The following CSMD3 variants were observed in gnomAD, a reference collection of about 807,000 sequenced individuals.
CSMD3 encodes CUB and sushi domain-containing protein 3.
A neutral mutation model predicts 435.2 loss-of-function variants in CSMD3; 177 were observed. That is an observed-to-expected ratio of 0.41 (90% CI 0.36 to 0.46). The LOEUF (loss-of-function observed/expected upper bound fraction) is 0.46, where lower values mean the gene tolerates loss of function less well. Ranked by LOEUF, CSMD3 falls within the 20% of genes least tolerant of loss-of-function variation. The pLI is 0.34. For synonymous variants in CSMD3, 1,656 were observed against 1,520.5 expected, an observed-to-expected ratio of 1.09 and a Z score of -2.07; for missense variants, 4,265 against 4,504.6, an observed-to-expected ratio of 0.95 and a Z score of 1.52.
chr8:113,408,857 A>T (rs1588677170), intron 1 of CSMD3, among the ~76,000 whole-genome samples: 1 of 151,844 alleles, frequency 6.6e-6, no homozygotes, highest in Non-Finnish European at 1.5e-5. Context: ...TAGAGATGGC[A>T]TCTCGCCATG....
intron 32 of CSMD3, among the ~76,000 whole-genome samples, chr8:112,438,695 T>C (rs1814648509): frequency 6.6e-6 from 1 of 152,150 alleles, no homozygotes; most frequent in African/African-American, 2.4e-5. Context: ...CAATGTTAAA[T>C]TGGCCAACAG....
intron 1 of CSMD3, among the ~76,000 whole-genome samples, chr8:113,368,356 A>T (rs1263060613): frequency 6.6e-6 from 1 of 152,080 alleles, no homozygotes; most frequent in African/African-American, 2.4e-5. Flanking sequence ...CTTGTCATGG[A>T]TAAGTTTGAA....
At chr8:113,057,667 T>C (rs2088406745) in intron 5 of CSMD3, among the ~76,000 whole-genome samples, 1 of 152,030 alleles carries the variant, frequency 6.6e-6, no homozygotes, top group Admixed American at 6.6e-5. Flanking sequence ...GTAATATTGA[T>C]AGATATAAAA....
In CSMD3 at chr8:112,677,336, G is replaced by A. The variant is rs187396202; in HGVS notation, c.2677+5106C>T. On this transcript the variant is annotated intron_variant, in intron 16 of 70. Coordinates refer to ENST00000297405, the MANE Select transcript of CSMD3 (RefSeq NM_198123.2). ...TTTTACAAGCTATCTTGAATGGTGG[G>A]TGAGAAGGGGGAAAAGATGGCCTAG... Among the ~76,000 whole-genome samples the A allele has an allele frequency of 8.8e-4, 134 of 151,462 alleles. 1 individual carries two copies. The highest frequency in any genetic ancestry group is 3.1e-3 in the African/African-American group (128 of 41,290).
rs144579709 is a variant in CSMD3 at position 112,379,967 on chromosome 8, A to G, written c.6136+385T>C. Among the ~76,000 whole-genome samples the G allele has an allele frequency of 4.1e-3, 625 of 152,270 alleles. 5 individuals are homozygous for G. Among genetic ancestry groups the G allele is most frequent in the African/African-American group, 0.014 (589 of 41,554 alleles). On this transcript the variant is annotated intron_variant, in intron 38 of 70. Transcript: ENST00000297405. ...GGAGTAGAACAGTGGTTGTCAGGGG[A>G]TAGGGAGAGGGGGAAATGAAGAGCT...
At chr8:112,677,446 T>A (rs13274196) in intron 16 of CSMD3, among the ~76,000 whole-genome samples, 10,228 of 150,368 alleles carry the variant, frequency 0.068, 495 homozygotes, top group Non-Finnish European at 0.11. Flanking sequence ...AGTAAAAATC[T>A]CTGTTATTTA....
chr8:112,743,027 A>C (rs901909228), intron 13 of CSMD3, among the ~76,000 whole-genome samples: 1 of 152,010 alleles, frequency 6.6e-6, no homozygotes, highest in African/African-American at 2.4e-5. Context: ...TGGGCTCTAC[A>C]AATCATGCAG....
chr8:112,941,600 CAAAG>C (rs1346807505), intron 9 of CSMD3, among the ~76,000 whole-genome samples: 1 of 151,544 alleles, frequency 6.6e-6, no homozygotes, highest in Non-Finnish European at 1.5e-5. Context: ...AGTTTTCATT[CAAAG>C]AGATTACTGC....
intron 7 of CSMD3, among the ~76,000 whole-genome samples, chr8:112,962,044 CTTAAT>C (rs1397567123): frequency 6.6e-6 from 1 of 151,866 alleles, no homozygotes; most frequent in African/African-American, 2.4e-5. Context: ...ACTGTCTGCC[CTTAAT>C]TTAATTGTTT....
intron 1 of CSMD3, among the ~76,000 whole-genome samples, chr8:113,406,071 G>C (rs138062889): frequency 0.014 from 2,181 of 151,850 alleles, 25 homozygotes; most frequent in Non-Finnish European, 0.023. Context: ...TGACAAAATT[G>C]TCAAATTTCA....
At chr8:112,859,998 T>A (rs150680183) in intron 10 of CSMD3, among the ~76,000 whole-genome samples, 1 of 151,840 alleles carries the variant, frequency 6.6e-6, no homozygotes, top group South Asian at 2.1e-4. Context: ...TCAAAAATAA[T>A]CTATTGTATA....
chr8:112,282,258 G>A (rs999613370), intron 58 of CSMD3, among the ~76,000 whole-genome samples: 4 of 151,766 alleles, frequency 2.6e-5, no homozygotes, highest in Non-Finnish European at 5.9e-5. Flanking sequence ...GTGCATGCGC[G>A]TATGTGTGTG....
chr8:113,249,354 G>A (rs916469906), intron 3 of CSMD3, among the ~76,000 whole-genome samples: 4 of 151,966 alleles, frequency 2.6e-5, no homozygotes, highest in African/African-American at 7.3e-5. Flanking sequence ...TAAGAACAGT[G>A]GATATTCGGC....
At chr8:113,314,272 A>T in intron 2 of CSMD3, 1 of 325,490 alleles carries the variant, frequency 3.1e-6, no homozygotes, top group Non-Finnish European at 5.7e-6. Context: ...TATATCCATA[A>T]TGAATGAAAC....
At position 112,954,649 on chromosome 8, in the gene CSMD3, C is replaced by T. The variant is rs757053219; in HGVS notation, c.1420+35G>A. On this transcript the variant is annotated intron_variant, in intron 8 of 70. Coordinates refer to ENST00000297405, the MANE Select transcript of CSMD3 (RefSeq NM_198123.2). ...ACAGACACCACAAACTTCACTCTTG[C>T]ACTAGAGAAAGTAACAAAAAAGAAG... is the stretch of plus-strand genomic sequence containing the variant. 1.4e-5 allele frequency: 19 copies of T among 1,327,862 alleles called. No individual in the cohort carries two copies. The South Asian group carries it at 2.2e-4, about 16-fold the overall frequency. 82.3% of individuals were successfully genotyped at this position (1,327,862 alleles called of 1,614,324 possible). A position where few individuals can be genotyped will look rare whatever the true frequency, so the allele number is the denominator to read the frequency against.
intron 4 of CSMD3, among the ~76,000 whole-genome samples, chr8:113,110,756 T>C (rs978685016): frequency 1.3e-5 from 2 of 152,218 alleles, no homozygotes; most frequent in Non-Finnish European, 2.9e-5. Flanking sequence ...CTGAAGATGC[T>C]TCCACATGTT....
At chr8:112,869,824 T>C (rs751915695) in intron 10 of CSMD3, among the ~76,000 whole-genome samples, 2 of 152,020 alleles carry the variant, frequency 1.3e-5, no homozygotes, top group African/African-American at 2.4e-5. Context: ...TAAGTGGAAG[T>C]TGAACAATGA....
intron 56 of CSMD3, among the ~76,000 whole-genome samples, chr8:112,290,753 A>G (rs1819683464): frequency 6.6e-6 from 1 of 152,026 alleles, no homozygotes; most frequent in Admixed American, 6.6e-5. Flanking sequence ...CATTCAGTCT[A>G]TGAAATTGTT....
At position 112,296,722 on chromosome 8, in the gene CSMD3, T is replaced by C. The variant is rs560476677; in HGVS notation, c.8441-716A>G. Reference sequence around the variant, plus strand: ...TGTTAAGAAGAAGCAAGGAGCAAAATGATGTAAAAATAAAGCCAAAGTAAG... The same window carrying C: ...TGTTAAGAAGAAGCAAGGAGCAAAACGATGTAAAAATAAAGCCAAAGTAAG... On this transcript the variant is annotated intron_variant, in intron 53 of 70. Transcript: ENST00000297405. 1.9e-4 allele frequency among the ~76,000 whole-genome samples: 29 copies of C among 151,660 alleles called. 1 individual carries two copies. The highest frequency in any genetic ancestry group is 6.8e-3 in the Middle Eastern group (2 of 292).
Sources: allele counts gnomAD v4.1 joint callset (sites outside exome capture counted in the v4.1 genomes callset), GRCh38; gene constraint gnomAD v4.1.1; transcripts MANE v1.5; gene names NCBI Gene and HGNC (gene_info 2026-07-23, HGNC 2026-07-21).